SND1: variants seen among roughly 807,000 people sequenced by gnomAD.
SND1 encodes the protein staphylococcal nuclease and tudor domain containing 1, also known as staphylococcal nuclease domain-containing protein 1.
Under a neutral mutation model 121.7 loss-of-function variants are expected in SND1, and 38 were observed. The observed-to-expected ratio is 0.31, with a 90% CI of 0.24 to 0.41. The LOEUF (loss-of-function observed/expected upper bound fraction) is 0.41. SND1 is among the 10% of genes least tolerant of loss of function. The pLI is 1.00. For synonymous variants in SND1, 401 were observed against 447.4 expected (o/e 0.90, Z 1.31); for missense variants, 868 against 1,184.6 (o/e 0.73, Z 3.92).
chr7:128,030,744 G>A (rs1792564251), intron 16 of SND1: 2 of 1,396,002 alleles, frequency 1.4e-6, no homozygotes, highest in African/African-American at 2.9e-5. Context: ...TTTCCATCTG[G>A]AGAAGGAGGT....
rs112249010 is a variant in SND1, at chr7:127,707,937, T to C, written c.1038+290T>C. Among the ~76,000 whole-genome samples the C allele has an allele frequency of 8.9e-3, 1,362 of 152,260 alleles. 25 individuals are homozygous for C. Among genetic ancestry groups the C allele is most frequent in the African/African-American group, 0.031 (1,282 of 41,522 alleles). On this transcript the variant is annotated intron_variant, in intron 9 of 23. Coordinates refer to ENST00000354725, the MANE Select transcript of SND1 (RefSeq NM_014390.4). ...TTTTTTATCTGCCTAGCAAATAGCA[T>C]TATCTTAAGATTTCCTATGTCCAAG...
chr7:127,844,267 G>C, intron 11 of SND1, 57 bp from the exon 12 acceptor site: 9 of 1,375,698 alleles, frequency 6.5e-6, no homozygotes, highest in Non-Finnish European at 8.2e-6. Flanking sequence ...ACATGTGGCT[G>C]CTAGTGAGCT....
intron 16 of SND1, among the ~76,000 whole-genome samples, chr7:128,054,082 A>G (rs922065391): frequency 3.9e-5 from 6 of 152,278 alleles, no homozygotes; most frequent in South Asian, 4.1e-4. Context: ...AGTCATCGGC[A>G]GTACCCTGGG....
chr7:127,890,774 G>A (rs1289161817), intron 13 of SND1, among the ~76,000 whole-genome samples: 1 of 152,148 alleles, frequency 6.6e-6, no homozygotes, highest in South Asian at 2.1e-4. Context: ...AATGAAAACA[G>A]CCTTTTTAGT....
chr7:127,782,744 A>G (rs1205743099), intron 10 of SND1, among the ~76,000 whole-genome samples: 1 of 152,208 alleles, frequency 6.6e-6, no homozygotes, highest in Admixed American at 6.5e-5. Flanking sequence ...GGTTGGGCAC[A>G]CTGGAGCTTC....
chr7:127,712,971 C>T (rs1241236542), intron 9 of SND1, among the ~76,000 whole-genome samples: 1 of 152,126 alleles, frequency 6.6e-6, no homozygotes, highest in Non-Finnish European at 1.5e-5. Context: ...CAGTTATTTC[C>T]TTAGAAATTA....
At chr7:127,959,825 G>T (rs1441768200) in intron 15 of SND1, among the ~76,000 whole-genome samples, 1 of 152,164 alleles carries the variant, frequency 6.6e-6, no homozygotes, top group Non-Finnish European at 1.5e-5. Context: ...AACAATGCCT[G>T]GCACATGGTA....
chr7:128,053,269 C>G (rs1358466352), intron 16 of SND1, among the ~76,000 whole-genome samples: 1 of 152,200 alleles, frequency 6.6e-6, no homozygotes, highest in African/African-American at 2.4e-5. Flanking sequence ...CCTAAAGCCT[C>G]TTTTATCCCA....
chr7:127,972,298 T>C (rs1351195959), intron 15 of SND1, among the ~76,000 whole-genome samples: 4 of 151,758 alleles, frequency 2.6e-5, no homozygotes, highest in African/African-American at 9.7e-5. Flanking sequence ...AGCCTTGCAC[T>C]GTCACCAAGC....
chr7:127,790,980 T>C (rs184225583), intron 10 of SND1, among the ~76,000 whole-genome samples: 2 of 152,298 alleles, frequency 1.3e-5, no homozygotes, highest in Admixed American at 1.3e-4. Context: ...GCATGCTTGA[T>C]TGTTAAATAG....
chr7:127,975,800 C>G (rs1802106444), intron 15 of SND1, among the ~76,000 whole-genome samples: 1 of 152,114 alleles, frequency 6.6e-6, no homozygotes, highest in African/African-American at 2.4e-5. Context: ...GCTGTAGCGC[C>G]GAGCACGCTA....
chr7:127,995,180 A>AT (rs1802619659), intron 16 of SND1, among the ~76,000 whole-genome samples: 1 of 152,200 alleles, frequency 6.6e-6, no homozygotes, highest in African/African-American at 2.4e-5. Flanking sequence ...TGCATATGGT[A>AT]TGCTGAATTG....
chr7:127,805,312 G>A (rs1798213783), intron 10 of SND1, among the ~76,000 whole-genome samples: 1 of 152,122 alleles, frequency 6.6e-6, no homozygotes, highest in South Asian at 2.1e-4. Context: ...ACACACCTGG[G>A]CCTTGATCAG....
chr7:127,810,822 A>G (rs1244642270), intron 11 of SND1, among the ~76,000 whole-genome samples: 1 of 152,222 alleles, frequency 6.6e-6, no homozygotes, highest in Non-Finnish European at 1.5e-5. Context: ...ACAGTTTTTT[A>G]AAATGACATA....
At chr7:128,088,246 A>G (rs1347183299) in intron 21 of SND1, among the ~76,000 whole-genome samples, 2 of 149,954 alleles carry the variant, frequency 1.3e-5, no homozygotes, top group Non-Finnish European at 3.0e-5. Context: ...GGTGTTCAAA[A>G]CCACCCTGGG....
At chr7:127,918,320 C>T (rs1371457008) in intron 14 of SND1, among the ~76,000 whole-genome samples, 2 of 152,060 alleles carry the variant, frequency 1.3e-5, no homozygotes, top group African/African-American at 2.4e-5. Flanking sequence ...CTCGCCTCAG[C>T]CTCCCAAAGT....
At chr7:127,861,472 C>T (rs560856411) in intron 12 of SND1, among the ~76,000 whole-genome samples, 1 of 152,064 alleles carries the variant, frequency 6.6e-6, no homozygotes. Context: ...TCATTTGTTT[C>T]GTTTTTGTTT....
intron 15 of SND1, among the ~76,000 whole-genome samples, chr7:127,935,152 G>A (rs1234220994): frequency 6.6e-6 from 1 of 152,200 alleles, no homozygotes; most frequent in Non-Finnish European, 1.5e-5. Flanking sequence ...GATTACAGGT[G>A]ACTGGGAAGT....
Position 128,029,631 on chromosome 7 carries a change from C to A in SND1, c.1779+38575C>A. ...CTGGTCCACCTCCACGAGGTAGCGG[C>A]CTCGCATGTGCATGGGAGCATGACA... On this transcript the variant is annotated intron_variant, in intron 16 of 23. Coordinates refer to ENST00000354725, the MANE Select transcript of SND1 (RefSeq NM_014390.4). The surrounding 1 kb of genome is among the most constrained non-coding windows in gnomAD (Gnocchi z 4.2). 1 of 1,613,988 alleles carries A rather than the reference C, an allele frequency of 6.2e-7. No individual in the cohort carries two copies. The highest frequency in any genetic ancestry group is 1.3e-5 in the African/African-American group (1 of 75,024).
Sources: allele counts gnomAD v4.1 joint callset (sites outside exome capture counted in the v4.1 genomes callset), GRCh38; gene constraint gnomAD v4.1.1; non-coding constraint Gnocchi (gnomAD v3.1); transcripts MANE v1.5; gene names NCBI Gene and HGNC (gene_info 2026-07-23, HGNC 2026-07-21).